Variants in RSU1 observed in about 807,000 individuals in gnomAD.
The protein encoded by RSU1 is Ras suppressor protein 1.
In RSU1, 26 loss-of-function variants were observed where a neutral mutation model predicts 31.1. That is an observed-to-expected ratio of 0.84 (90% CI 0.61 to 1.16). RSU1 has a LOEUF of 1.16. Among genes scored for constraint, RSU1 ranks in the 50% most tolerant of loss-of-function variants. The pLI is 0.00. For missense variants in RSU1, 320 were observed against 339.1 expected (o/e 0.94, Z 0.44); for synonymous variants, 164 against 136.3 (o/e 1.20, Z -1.41).
intron 7 of RSU1, among the ~76,000 whole-genome samples, chr10:16,695,974 C>G (rs1835665869): frequency 6.6e-6 from 1 of 152,088 alleles, no homozygotes; most frequent in South Asian, 2.1e-4. Context: ...TCTGGATATC[C>G]TCTGTTAATG....
chr10:16,685,267 A>G (rs1196543403), intron 8 of RSU1, among the ~76,000 whole-genome samples: 1 of 152,186 alleles, frequency 6.6e-6, no homozygotes, highest in Non-Finnish European at 1.5e-5. Flanking sequence ...AACAACACCA[A>G]ATAAGATTAT....
At chr10:16,749,511 C>A (rs1836929388) in intron 7 of RSU1, among the ~76,000 whole-genome samples, 1 of 151,996 alleles carries the variant, frequency 6.6e-6, no homozygotes, top group Admixed American at 6.6e-5. Flanking sequence ...TTTAAAACAC[C>A]CCCAGAAGCA....
rs72774625 is a variant in RSU1 at position 16,714,342 on chromosome 10, T to C, written c.599-19187A>G. Among the ~76,000 whole-genome samples, 3 of 152,128 alleles carry C rather than the reference T, an allele frequency of 2.0e-5. No individual in the cohort carries two copies. The East Asian group carries it at 5.8e-4, about 29-fold the overall frequency. ...TCTTGGGCTGGATGCCAGTGTGAAA[T>C]GGGGTTGGGCAGCCTTGCAGTTATT... On this transcript the variant is annotated intron_variant, in intron 7 of 8. Coordinates refer to ENST00000345264, the MANE Select transcript of RSU1 (RefSeq NM_012425.4).
At chr10:16,685,040 G>A (rs115431663) in intron 8 of RSU1, among the ~76,000 whole-genome samples, 2,154 of 152,144 alleles carry the variant, frequency 0.014, 59 homozygotes, top group African/African-American at 0.049. Flanking sequence ...CTGAGGTCAC[G>A]GGTTTGGGAC....
intron 8 of RSU1, among the ~76,000 whole-genome samples, chr10:16,692,558 GCT>G (rs1261431104): frequency 1.3e-5 from 2 of 151,886 alleles, no homozygotes; most frequent in Non-Finnish European, 2.9e-5. Context: ...TACAAACCAA[GCT>G]CTAAATAGCT....
At chr10:16,597,966 C>T (rs1486463117) in intron 8 of RSU1, among the ~76,000 whole-genome samples, 3 of 152,210 alleles carry the variant, frequency 2.0e-5, no homozygotes, top group African/African-American at 7.2e-5. Flanking sequence ...AGGGATGTGG[C>T]TATGGCAGTG....
intron 8 of RSU1, among the ~76,000 whole-genome samples, chr10:16,594,941 T>A (rs146765098): frequency 0.012 from 1,868 of 151,904 alleles, 52 homozygotes; most frequent in African/African-American, 0.043. Context: ...TGCACCACCA[T>A]GCCCAGCTAA....
chr10:16,645,237 T>C (rs1221217394), intron 8 of RSU1, among the ~76,000 whole-genome samples: 2 of 152,206 alleles, frequency 1.3e-5, no homozygotes, highest in Non-Finnish European at 2.9e-5. Flanking sequence ...TCTCATCTTT[T>C]AAACCATATC....
At chr10:16,673,816 T>C (rs1268307359) in intron 8 of RSU1, among the ~76,000 whole-genome samples, 1 of 152,184 alleles carries the variant, frequency 6.6e-6, no homozygotes, top group East Asian at 1.9e-4. Flanking sequence ...GGTTCAGAGA[T>C]CAGGCTCTAA....
chr10:16,651,616 G>GCATATA (rs1834685171), intron 8 of RSU1, among the ~76,000 whole-genome samples: 1 of 152,130 alleles, frequency 6.6e-6, no homozygotes, highest in Admixed American at 6.5e-5. Flanking sequence ...AATATACAAG[G>GCATATA]CAAGGTAGAA....
intron 8 of RSU1, among the ~76,000 whole-genome samples, chr10:16,596,244 T>G (rs1833610395): frequency 6.6e-6 from 1 of 152,196 alleles, no homozygotes; most frequent in African/African-American, 2.4e-5. Flanking sequence ...CAAAAGGGGC[T>G]CTGCAGGTGT....
intron 7 of RSU1, among the ~76,000 whole-genome samples, chr10:16,696,645 T>C (rs1835681548): frequency 6.6e-6 from 1 of 152,224 alleles, no homozygotes; most frequent in African/African-American, 2.4e-5. Flanking sequence ...TTATCAATAT[T>C]GTCAATTTCC....
intron 8 of RSU1, among the ~76,000 whole-genome samples, chr10:16,595,999 A>G (rs1833605875): frequency 6.6e-6 from 1 of 151,772 alleles, no homozygotes; most frequent in African/African-American, 2.4e-5. Context: ...ATGAAAGCGC[A>G]TTTTTCAACC....
intron 3 of RSU1, among the ~76,000 whole-genome samples, chr10:16,773,252 G>A (rs1837458490): frequency 1.3e-5 from 2 of 151,478 alleles, no homozygotes; most frequent in South Asian, 4.2e-4. Flanking sequence ...TCCATCAAGA[G>A]GCCACAAGTG....
chr10:16,673,202 C>T lies in RSU1; in HGVS notation c.731+21821G>A, dbSNP rs371915038. Among the ~76,000 whole-genome samples, 7 of 152,196 alleles carry T rather than the reference C, an allele frequency of 4.6e-5. No individual in the cohort carries two copies. In the East Asian group the frequency reaches 7.7e-4, roughly 17 times the overall value. On this transcript the variant is annotated intron_variant, in intron 8 of 8. Coordinates refer to ENST00000345264, the MANE Select transcript of RSU1 (RefSeq NM_012425.4). ...TCCCGCTGGGAGAAGCGTTCATCTC[C>T]GGTACCTGGTAGGACTCAGAGACCA... is the stretch of plus-strand genomic sequence containing the variant.
rs774706517 is a variant in RSU1 at position 16,754,956 on chromosome 10, G to A, written c.315C>T (p.Phe105=). 4.3e-5 allele frequency: 69 copies of A among 1,613,542 alleles called. No individual in the cohort carries two copies. The highest frequency in any genetic ancestry group is 2.9e-4 in the East Asian group (13 of 44,860). The change falls in exon 5 of 9, where the codon TTC becomes TTT. Residue 105 remains phenylalanine (F), a synonymous_variant. Coordinates refer to ENST00000345264, the MANE Select transcript of RSU1 (RefSeq NM_012425.4). The part of the protein sequence containing the change: ...MNRLNTLPRG[F]GSLPALEVLD... ...GAACCTCAAGAGCTGGCAGGGAGCC[G>A]AAGCCTCGTGGCAAAGTGTTCAGCC... is the stretch of plus-strand genomic sequence containing the variant.
At position 16,779,175 on chromosome 10, in the gene RSU1, G is replaced by A. The variant is rs565122077; in HGVS notation, c.160+2859C>T. ...CCGCTGACTTCAAAAACCCATCAAC[G>A]CTGCCCCAAGCTCCCAGGTTTAAAT... On this transcript the variant is annotated intron_variant, in intron 3 of 8. Coordinates refer to ENST00000345264, the MANE Select transcript of RSU1 (RefSeq NM_012425.4). Among the ~76,000 whole-genome samples the A allele has an allele frequency of 2.6e-5, 4 of 152,190 alleles. No homozygotes were observed. The South Asian group carries it at 6.2e-4, about 24-fold the overall frequency.
intron 7 of RSU1, among the ~76,000 whole-genome samples, chr10:16,706,890 G>T (rs7916989): frequency 0.3 from 45,282 of 151,778 alleles, 11,346 homozygotes; most frequent in African/African-American, 0.68. Context: ...ATCTCTTCCC[G>T]CCCCTCCCAG....
At chr10:16,806,793 G>A (rs558031466) in intron 2 of RSU1, among the ~76,000 whole-genome samples, 32 of 152,150 alleles carry the variant, frequency 2.1e-4, no homozygotes, top group African/African-American at 6.5e-4. Context: ...CACTCTTGTC[G>A]CCCAGGCTGG....
Sources: gnomAD v4.1 joint callset for allele counts (sites outside exome capture counted in the v4.1 genomes callset) on GRCh38, gnomAD v4.1.1 for gene constraint, MANE v1.5 for transcripts, NCBI Gene and HGNC (gene_info 2026-07-23, HGNC 2026-07-21) for gene names.